ADAMTSL1: variants seen among roughly 807,000 people sequenced by gnomAD.
ADAMTSL1 encodes the protein ADAMTS like 1, also known as ADAMTS-like protein 1.
In ADAMTSL1, 126 loss-of-function variants were observed where a neutral mutation model predicts 201.8. The ratio of observed to expected loss-of-function variants is 0.62; its 90% confidence interval spans 0.54 to 0.72. The LOEUF (loss-of-function observed/expected upper bound fraction) is 0.72. ADAMTSL1 is among the 30% of genes least tolerant of loss of function. ADAMTSL1 has a pLI of 0.00. For synonymous variants in ADAMTSL1, 1,121 were observed against 903.4 expected, an observed-to-expected ratio of 1.24 and a Z score of -4.32; for missense variants, 2,679 against 2,277.8, an observed-to-expected ratio of 1.18 and a Z score of -3.59.
At chr9:18,638,733 C>T (rs977993278) in intron 6 of ADAMTSL1, among the ~76,000 whole-genome samples, 3 of 152,084 alleles carry the variant, frequency 2.0e-5, no homozygotes, top group Non-Finnish European at 2.9e-5. Flanking sequence ...ACATCACTAT[C>T]GTTTCTTCAT....
intron 1 of ADAMTSL1, among the ~76,000 whole-genome samples, chr9:18,145,772 C>A (rs981012383): frequency 2.0e-5 from 3 of 152,092 alleles, no homozygotes; most frequent in Non-Finnish European, 4.4e-5. Flanking sequence ...TAATTAAAAT[C>A]TTTTTCTCTG....
At chr9:18,654,712 C>G (rs1213273186) in intron 7 of ADAMTSL1, among the ~76,000 whole-genome samples, 2 of 152,220 alleles carry the variant, frequency 1.3e-5, no homozygotes, top group Non-Finnish European at 2.9e-5. Context: ...CCTGAGGATA[C>G]AGTATCTCTG....
At chr9:17,948,157 G>A (rs935224246) in intron 1 of ADAMTSL1, among the ~76,000 whole-genome samples, 1 of 151,988 alleles carries the variant, frequency 6.6e-6, no homozygotes, top group Non-Finnish European at 1.5e-5. Context: ...CTGCCGGGAG[G>A]GTTCATTGCA....
At chr9:18,548,490 C>A (rs1037698049) in intron 3 of ADAMTSL1, among the ~76,000 whole-genome samples, 1 of 151,992 alleles carries the variant, frequency 6.6e-6, no homozygotes, top group Non-Finnish European at 1.5e-5. Context: ...AATTACAGTG[C>A]TGTTGGATGT....
At chr9:18,189,270 A>G (rs1270136744) in intron 2 of ADAMTSL1, among the ~76,000 whole-genome samples, 5 of 152,280 alleles carry the variant, frequency 3.3e-5, no homozygotes. Context: ...TTTGCTCTCA[A>G]AATGGCTGTG....
At chr9:18,444,649 A>C (rs1820120678) in intron 2 of ADAMTSL1, among the ~76,000 whole-genome samples, 1 of 152,158 alleles carries the variant, frequency 6.6e-6, no homozygotes, top group African/African-American at 2.4e-5. Context: ...GAACAGGTTT[A>C]TGTCTTTTGC....
intron 1 of ADAMTSL1, among the ~76,000 whole-genome samples, chr9:18,088,109 A>G (rs1386047611): frequency 6.6e-6 from 1 of 152,222 alleles, no homozygotes; most frequent in Admixed American, 6.5e-5. Context: ...TACAGGGTCA[A>G]CTGATCTTTG....
chr9:18,487,789 T>C (rs983107226), intron 1 of ADAMTSL1, among the ~76,000 whole-genome samples: 3 of 152,226 alleles, frequency 2.0e-5, no homozygotes, highest in Non-Finnish European at 4.4e-5. Flanking sequence ...GTTTGAACTA[T>C]GTTTTTGGCC....
chr9:18,169,430 A>G (rs1426354416), intron 2 of ADAMTSL1, among the ~76,000 whole-genome samples: 1 of 152,006 alleles, frequency 6.6e-6, no homozygotes, highest in Admixed American at 6.6e-5. Context: ...AAGATCAGAT[A>G]GTTGTAGATA....
In ADAMTSL1 at chr9:18,828,696, A is replaced by ATATATATATATATATT. The variant is rs1384860090; in HGVS notation, c.4115-1147_4115-1146insTATATATATATATATT. On this transcript the variant is annotated intron_variant, in intron 22 of 28. Coordinates refer to ENST00000380548, the MANE Select transcript of ADAMTSL1 (RefSeq NM_001040272.6). ...TATATATATATATATATATATATAAAATGTGTGTGTGTGTATATATATATA... is the reference window on the plus strand; with the variant it reads ...TATATATATATATATATATATATAAATATATATATATATATTATGTGTGTGTGTGTATATATATATA... 3.5e-3 allele frequency among the ~76,000 whole-genome samples: 318 copies of ATATATATATATATATT among 90,986 alleles called. 9 individuals are homozygous for ATATATATATATATATT. The highest frequency in any genetic ancestry group is 5.7e-3 in the Non-Finnish European group (256 of 44,848). The allele number at this position is 90,986 out of a possible 152,430, so 59.7% of individuals were successfully genotyped here.
intron 1 of ADAMTSL1, among the ~76,000 whole-genome samples, chr9:18,074,561 CT>C (rs138619215): frequency 5.3e-5 from 7 of 131,350 alleles, no homozygotes; most frequent in Admixed American, 2.3e-4. Flanking sequence ...CTTCTCTTTT[CT>C]TTTTTTTTTC....
Position 18,639,368 on chromosome 9 carries a change from T to C in ADAMTSL1, c.791T>C (p.Ile264Thr). ...VDFQKFPDKEILRMAGPLTAD... is the reference protein window; with the variant it reads ...VDFQKFPDKETLRMAGPLTAD... Reference sequence around the variant, plus strand: ...TTCCAGAAATTTCCAGACAAAGAGATACTGAGAATGGCTGGACCACTCACA... The same window carrying C: ...TTCCAGAAATTTCCAGACAAAGAGACACTGAGAATGGCTGGACCACTCACA... Residue 264 changes from isoleucine (I) to threonine (T), a missense_variant, in exon 7 of 29, where the codon ATA becomes ACA. Physicochemically the swap from Ile to Thr is moderately conservative, Grantham distance 89. Coordinates refer to ENST00000380548, the MANE Select transcript of ADAMTSL1 (RefSeq NM_001040272.6). The C allele has an allele frequency of 6.2e-7, 1 of 1,612,998 alleles. No homozygotes were observed. The highest frequency in any genetic ancestry group is 8.5e-7 in the Non-Finnish European group (1 of 1,179,252).
chr9:18,032,227 C>T (rs1006574871), intron 1 of ADAMTSL1, among the ~76,000 whole-genome samples: 5 of 152,314 alleles, frequency 3.3e-5, no homozygotes, highest in African/African-American at 9.6e-5. Context: ...CACAAACCAG[C>T]ACCTCACTCT....
At chr9:18,765,320 T>C (rs566133841) in intron 16 of ADAMTSL1, among the ~76,000 whole-genome samples, 1 of 152,332 alleles carries the variant, frequency 6.6e-6, no homozygotes, top group East Asian at 1.9e-4. Flanking sequence ...AGCATGTTCT[T>C]TATGTCTGAA....
chr9:18,439,442 C>G (rs1819897928), intron 2 of ADAMTSL1, among the ~76,000 whole-genome samples: 1 of 152,210 alleles, frequency 6.6e-6, no homozygotes, highest in Non-Finnish European at 1.5e-5. Context: ...TCTTATCTCA[C>G]TGCAATCTCT....
intron 1 of ADAMTSL1, among the ~76,000 whole-genome samples, chr9:18,079,682 AAAATAAATAAATAAATAAATAAAT>A (rs200603951): frequency 2.8e-5 from 4 of 141,700 alleles, no homozygotes; most frequent in African/African-American, 1.1e-4. Flanking sequence ...ACTCTGTCTC[AAAATAAATAAATAAATAAATAAAT>A]AAATAAATAA....
chr9:17,985,034 G>C (rs1353487834), intron 1 of ADAMTSL1, among the ~76,000 whole-genome samples: 2 of 152,096 alleles, frequency 1.3e-5, no homozygotes, highest in Non-Finnish European at 2.9e-5. Context: ...ACCTCTGTAG[G>C]TAATTGTTTT....
intron 1 of ADAMTSL1, among the ~76,000 whole-genome samples, chr9:18,112,350 T>C (rs1407285072): frequency 6.6e-6 from 1 of 152,106 alleles, no homozygotes; most frequent in Admixed American, 6.6e-5. Context: ...TTAATAGGTA[T>C]AGTGTGCTTC....
At chr9:18,362,526 G>T (rs1836573677) in intron 2 of ADAMTSL1, among the ~76,000 whole-genome samples, 1 of 152,152 alleles carries the variant, frequency 6.6e-6, no homozygotes, top group African/African-American at 2.4e-5. Flanking sequence ...CTTGCTTTGT[G>T]TTCTAGTTCT....
Sources: gnomAD v4.1 joint callset for allele counts (sites outside exome capture counted in the v4.1 genomes callset) on GRCh38, gnomAD v4.1.1 for gene constraint, MANE v1.5 for transcripts, NCBI Gene and HGNC (gene_info 2026-07-23, HGNC 2026-07-21) for gene names.